The following UVRAG variants were observed in gnomAD, a reference collection of about 807,000 sequenced individuals.
UVRAG encodes UV radiation resistance-associated gene protein.
UVRAG carries 19 observed loss-of-function variants against 78.0 expected under a neutral mutation model. The observed-to-expected ratio is 0.24, with a 90% CI of 0.17 to 0.36. The LOEUF is 0.36. Ranked by LOEUF, UVRAG falls within the 10% of genes least tolerant of loss-of-function variation. The pLI is 1.00. For missense variants in UVRAG, 740 were observed against 853.8 expected, an observed-to-expected ratio of 0.87 and a Z score of 1.66; for synonymous variants, 323 against 324.6, an observed-to-expected ratio of 1.00 and a Z score of 0.05.
Position 76,140,904 on chromosome 11 carries a change from G to T in UVRAG, c.1591G>T (p.Val531Leu). The part of the protein sequence containing the change: ...PSYNSALAQP[V>L]TTVPSMGETE... ...TTACAACTCAGCATTAGCCCAGCCT[G>T]TGACCACCGTCCCCTCCATGGGAGA... Residue 531 changes from valine to leucine, a missense_variant, in exon 15 of 15, where the codon GTG becomes TTG. By Grantham distance (32) the Val-to-Leu change is conservative. Transcript: ENST00000356136. 6 of 1,614,148 alleles carry T rather than the reference G, an allele frequency of 3.7e-6. No individual in the cohort carries two copies. The highest frequency in any genetic ancestry group is 5.1e-6 in the Non-Finnish European group (6 of 1,180,026).
chr11:75,903,560 T>G (rs1371070060), intron 5 of UVRAG, among the ~76,000 whole-genome samples: 1 of 152,238 alleles, frequency 6.6e-6, no homozygotes, highest in Non-Finnish European at 1.5e-5. Flanking sequence ...TGTGGGACTT[T>G]CCTTCACTGC....
chr11:76,070,108 A>G (rs1224664114), intron 13 of UVRAG, among the ~76,000 whole-genome samples: 1 of 152,158 alleles, frequency 6.6e-6, no homozygotes, highest in Non-Finnish European at 1.5e-5. Flanking sequence ...CACAAATAGA[A>G]TATTATTCAG....
intron 12 of UVRAG, among the ~76,000 whole-genome samples, chr11:76,045,127 G>A (rs180752877): frequency 2.5e-4 from 38 of 152,294 alleles, no homozygotes; most frequent in Admixed American, 2.4e-3. Flanking sequence ...AAAACCTGAT[G>A]TTTACTCTAG....
chr11:76,069,385 G>T (rs1951258469), intron 13 of UVRAG, among the ~76,000 whole-genome samples: 1 of 152,148 alleles, frequency 6.6e-6, no homozygotes, highest in Admixed American at 6.5e-5. Flanking sequence ...TTAAGTGCCA[G>T]CCTCTTCAGT....
At chr11:76,040,950 T>G (rs896211851) in intron 12 of UVRAG, among the ~76,000 whole-genome samples, 1 of 152,014 alleles carries the variant, frequency 6.6e-6, no homozygotes, top group African/African-American at 2.4e-5. Flanking sequence ...TACTTGACAA[T>G]AAGAAGAATA....
At chr11:76,079,491 G>GA (rs113475742) in intron 13 of UVRAG, among the ~76,000 whole-genome samples, 5,020 of 140,384 alleles carry the variant, frequency 0.036, 280 homozygotes, top group African/African-American at 0.12. Context: ...TCAAAAAAAA[G>GA]AAAAAAAAAA....
chr11:75,961,659 A>G lies in UVRAG; in HGVS notation c.699+110A>G, dbSNP rs2135203977. ...GCTTTAGATCGTTTTTATCTTCTTA[A>G]TTGTCCACAGAGAGTTCTATTGGCA... On this transcript the variant is annotated intron_variant, in intron 7 of 14. Transcript: ENST00000356136. 1.7e-5 allele frequency: 13 copies of G among 758,022 alleles called. No homozygotes were observed. The South Asian group carries it at 2.8e-4, about 17-fold the overall frequency. 47.0% of individuals were successfully genotyped at this position (758,022 alleles called of 1,614,324 possible).
chr11:76,113,851 T>A (rs573651657), intron 13 of UVRAG, among the ~76,000 whole-genome samples: 27 of 149,490 alleles, frequency 1.8e-4, no homozygotes, highest in South Asian at 2.1e-4. Flanking sequence ...TTCTATGATT[T>A]AAAAAAAAAA....
At chr11:75,918,196 C>A (rs1947900143) in intron 6 of UVRAG, among the ~76,000 whole-genome samples, 1 of 141,926 alleles carries the variant, frequency 7.0e-6, no homozygotes, top group South Asian at 2.2e-4. Context: ...GAAACCCCTT[C>A]TCTACTAAAA....
At chr11:76,090,217 C>G (rs1003755082) in intron 13 of UVRAG, among the ~76,000 whole-genome samples, 15 of 152,162 alleles carry the variant, frequency 9.9e-5, no homozygotes, top group African/African-American at 3.6e-4. Context: ...GCACAGAGGC[C>G]TTTCATGTCC....
At chr11:75,832,949 G>T in intron 1 of UVRAG, among the ~76,000 whole-genome samples, 1 of 152,024 alleles carries the variant, frequency 6.6e-6, no homozygotes, top group East Asian at 1.9e-4. Flanking sequence ...TAGAAACCAG[G>T]GCTGAAGACA....
intron 6 of UVRAG, among the ~76,000 whole-genome samples, chr11:75,931,185 A>T (rs1948233272): frequency 6.6e-6 from 1 of 150,988 alleles, no homozygotes; most frequent in Non-Finnish European, 1.5e-5. Context: ...CATTTTTTTC[A>T]CTATGGACCA....
At chr11:75,934,920 G>C (rs1948335148) in intron 6 of UVRAG, 1 of 152,188 alleles carries the variant, frequency 6.6e-6, no homozygotes, top group South Asian at 2.1e-4. Context: ...GAATCTCATA[G>C]AGAAGAAAGG....
chr11:76,057,951 A>G (rs569758928), intron 12 of UVRAG, among the ~76,000 whole-genome samples: 2 of 152,198 alleles, frequency 1.3e-5, no homozygotes, highest in South Asian at 4.1e-4. Flanking sequence ...GAGGACTTGA[A>G]TGAGGCTCGT....
At chr11:75,939,958 A>G (rs1017414555) in intron 6 of UVRAG, among the ~76,000 whole-genome samples, 14 of 152,230 alleles carry the variant, frequency 9.2e-5, no homozygotes, top group Admixed American at 2.6e-4. Context: ...CGTTAAGCCA[A>G]TCCTGAAACA....
In UVRAG at chr11:76,125,965, T is replaced by C. The variant is rs12287655; in HGVS notation, c.1397+9950T>C. Reference sequence around the variant, plus strand: ...CTGGCAGTCACTTTTTTTTTTTTTTTTTTAGACAGAGTCTCGCTCTGTCAC... The same window carrying C: ...CTGGCAGTCACTTTTTTTTTTTTTTCTTTAGACAGAGTCTCGCTCTGTCAC... On this transcript the variant is annotated intron_variant, in intron 14 of 14. Coordinates refer to ENST00000356136, the MANE Select transcript of UVRAG (RefSeq NM_003369.4). 6.8e-3 allele frequency among the ~76,000 whole-genome samples: 1,024 copies of C among 151,302 alleles called. 10 individuals are homozygous for C. Among genetic ancestry groups the C allele is most frequent in the African/African-American group, 0.024 (985 of 41,180 alleles).
chr11:75,923,029 T>C (rs1217524000), intron 6 of UVRAG, among the ~76,000 whole-genome samples: 1 of 147,342 alleles, frequency 6.8e-6, no homozygotes, highest in Non-Finnish European at 1.5e-5. Context: ...TATATGTTCG[T>C]TTTTCTTTTT....
At chr11:76,000,383 G>T (rs1426021531) in intron 8 of UVRAG, among the ~76,000 whole-genome samples, 1 of 152,156 alleles carries the variant, frequency 6.6e-6, no homozygotes, top group Non-Finnish European at 1.5e-5. Flanking sequence ...CAGGAGGATT[G>T]CTTGAAGCCA....
intron 12 of UVRAG, among the ~76,000 whole-genome samples, chr11:76,058,847 C>A (rs1256941419): frequency 1.3e-5 from 2 of 152,146 alleles, no homozygotes; most frequent in African/African-American, 4.8e-5. Context: ...TGAACTAGAT[C>A]TCATAAAGGA....
Sources: allele counts gnomAD v4.1 joint callset (sites outside exome capture counted in the v4.1 genomes callset), GRCh38; gene constraint gnomAD v4.1.1; transcripts MANE v1.5; gene names NCBI Gene and HGNC (gene_info 2026-07-23, HGNC 2026-07-21).